Variants in ELSPBP1 observed in about 807,000 individuals in gnomAD.
ELSPBP1 encodes epididymal sperm-binding protein 1.
In ELSPBP1, 38 loss-of-function variants were observed where a neutral mutation model predicts 33.3. The ratio of observed to expected loss-of-function variants is 1.14; its 90% CI spans 0.88 to 1.50. ELSPBP1 has a LOEUF of 1.50. Among genes scored for constraint, ELSPBP1 ranks in the 40% most tolerant of loss-of-function variants. ELSPBP1 has a pLI of 0.00. For synonymous variants in ELSPBP1, 85 were observed against 94.1 expected (o/e 0.90, Z 0.56); for missense variants, 267 against 263.5 (o/e 1.01, Z -0.09).
chr19:48,011,282 AT>A lies in ELSPBP1; in HGVS notation c.70+2546del, dbSNP rs1967074957. On this transcript the variant is annotated intron_variant, in intron 2 of 6. Transcript: ENST00000339841. The surrounding 1 kb of genome is among the most constrained non-coding windows in gnomAD (Gnocchi z 4.5). ...AATGATGATGACAATGACGATGATG[AT>A]CACCATGATAATGACAATAATGAGG... is the stretch of plus-strand genomic sequence containing the variant. Among the ~76,000 whole-genome samples the A allele has an allele frequency of 6.6e-6, 1 of 151,912 alleles. No homozygotes were observed. The highest frequency in any genetic ancestry group is 1.5e-5 in the Non-Finnish European group (1 of 68,006).
intron 5 of ELSPBP1, 48 bp from the exon 6 acceptor site, chr19:48,022,122 T>C (rs11671666): frequency 0.27 from 422,710 of 1,564,696 alleles, 60,200 homozygotes; most frequent in Non-Finnish European, 0.29. Context: ...TCTACGACAG[T>C]GTGAAGCCTG....
Position 48,024,072 on chromosome 19 carries a change from C to T in ELSPBP1, c.*8-880C>T, listed in dbSNP as rs577837694. Among the ~76,000 whole-genome samples, 16 of 144,876 alleles carry T rather than the reference C, an allele frequency of 1.1e-4. No individual in the cohort carries two copies. In the South Asian group the frequency reaches 1.8e-3, roughly 16 times the overall value. ...TTTTTTTTTGTATTTTTAGTAGAGA[C>T]GGGGTTTCACCATGTTGGCCAGGCT... On this transcript the variant is annotated intron_variant, in intron 6 of 6. Transcript: ENST00000339841.
intron 1 of ELSPBP1, among the ~76,000 whole-genome samples, chr19:48,006,645 AAAG>A (rs1784446990): frequency 2.7e-5 from 4 of 148,808 alleles, no homozygotes; most frequent in Admixed American, 6.7e-5. Context: ...AAAAAAAAAA[AAAG>A]AAAAGAAAAA....
chr19:48,006,057 C>T lies in ELSPBP1; in HGVS notation c.-17-2594C>T, dbSNP rs141520997. ...TGCACTGCAGCCTCGACCTCCTGGG[C>T]TCCAGTGATCCTCCCACCTCAGCTT... On this transcript the variant is annotated intron_variant, in intron 1 of 6. Coordinates refer to ENST00000339841, the MANE Select transcript of ELSPBP1 (RefSeq NM_022142.5). 4.9e-3 allele frequency among the ~76,000 whole-genome samples: 747 copies of T among 152,160 alleles called. 7 individuals carry two copies. Among genetic ancestry groups the T allele is most frequent in the African/African-American group, 0.017 (714 of 41,526 alleles).
intron 1 of ELSPBP1, among the ~76,000 whole-genome samples, chr19:48,006,800 A>G (rs1297847979): frequency 6.6e-6 from 1 of 152,104 alleles, no homozygotes; most frequent in African/African-American, 2.4e-5. Context: ...CTTCACAAGT[A>G]GTGAATGAGA....
intron 2 of ELSPBP1, 109 bp downstream of exon 2, chr19:48,008,846 T>C: frequency 1.0e-6 from 1 of 1,000,594 alleles, no homozygotes; most frequent in East Asian, 2.6e-5. Flanking sequence ...AGCAAAAATC[T>C]CAGAAGAAGC....
chr19:48,005,751 A>T (rs968557893), intron 1 of ELSPBP1, among the ~76,000 whole-genome samples: 1 of 152,190 alleles, frequency 6.6e-6, no homozygotes, highest in African/African-American at 2.4e-5. Flanking sequence ...TAAGAGCTCA[A>T]TTACTCTGAA....
chr19:48,014,952 C>T (rs995182611), intron 3 of ELSPBP1, among the ~76,000 whole-genome samples: 5 of 152,034 alleles, frequency 3.3e-5, no homozygotes, highest in South Asian at 2.1e-4. Flanking sequence ...AAAAAGGAAA[C>T]GAAGTGTAAG....
rs762439209 is a variant in ELSPBP1, at chr19:48,008,663, C to T, written c.-5C>T. On this transcript the variant is annotated 5_prime_UTR_variant, in exon 2 of 7. Coordinates refer to ENST00000339841, the MANE Select transcript of ELSPBP1 (RefSeq NM_022142.5). Reference sequence around the variant, plus strand: ...TTCTTTTCCACAGAGAAGAGGGCAGCCAAGATGACCCGATGGTCCAGTTAC... The same window carrying T: ...TTCTTTTCCACAGAGAAGAGGGCAGTCAAGATGACCCGATGGTCCAGTTAC... The T allele has an allele frequency of 3.1e-6, 5 of 1,613,458 alleles. No individual in the cohort carries two copies. In the South Asian group the frequency reaches 5.5e-5, roughly 18 times the overall value.
intron 6 of ELSPBP1, among the ~76,000 whole-genome samples, chr19:48,023,174 G>C (rs1179290978): frequency 7.1e-6 from 1 of 140,948 alleles, no homozygotes; most frequent in South Asian, 2.3e-4. Flanking sequence ...AAGGAGGAAG[G>C]GAGGGAAGAA....
Position 47,998,581 on chromosome 19 carries a change from T to C in ELSPBP1, c.-18+3770T>C, listed in dbSNP as rs1219030749. Among the ~76,000 whole-genome samples the C allele has an allele frequency of 2.0e-5, 3 of 151,608 alleles. No homozygotes were observed. The East Asian group carries it at 5.9e-4, about 30-fold the overall frequency. ...GCGGGCGGATCACGAGGTCAGGAGATCGAGACCATCCTGGCTAACACAGTG... is the reference window on the plus strand; with the variant it reads ...GCGGGCGGATCACGAGGTCAGGAGACCGAGACCATCCTGGCTAACACAGTG... On this transcript the variant is annotated intron_variant, in intron 1 of 6. Coordinates refer to ENST00000339841, the MANE Select transcript of ELSPBP1 (RefSeq NM_022142.5).
intron 4 of ELSPBP1, among the ~76,000 whole-genome samples, chr19:48,018,482 A>G (rs1213763373): frequency 1.3e-5 from 2 of 152,242 alleles, no homozygotes; most frequent in Non-Finnish European, 2.9e-5. Flanking sequence ...TCTTGGACAC[A>G]TTAGATCATA....
chr19:48,016,284 G>A (rs1344542751), intron 4 of ELSPBP1, among the ~76,000 whole-genome samples: 1 of 152,154 alleles, frequency 6.6e-6, no homozygotes, highest in Non-Finnish European at 1.5e-5. Flanking sequence ...ATGAGCTGAA[G>A]TCCTGATATT....
chr19:47,998,786 CAAAA>C (rs34853595), intron 1 of ELSPBP1, among the ~76,000 whole-genome samples: 23,837 of 110,758 alleles, frequency 0.22, 2,126 homozygotes, highest in Non-Finnish European at 0.26. Flanking sequence ...GACTCCGTCT[CAAAA>C]AAAAAAAAAA....
chr19:48,023,436 GAGAAAGTAGGAAAGGGAGGA>G, intron 6 of ELSPBP1, among the ~76,000 whole-genome samples: 8 of 84,922 alleles, frequency 9.4e-5, no homozygotes, highest in East Asian at 5.5e-4. Flanking sequence ...AGGAGGAAGG[GAGAAAGTAGGAAAGGGAGGA>G]GGGAAGGAAT....
At chr19:48,009,211 T>C (rs1967053668) in intron 2 of ELSPBP1, among the ~76,000 whole-genome samples, 1 of 151,986 alleles carries the variant, frequency 6.6e-6, no homozygotes, top group African/African-American at 2.4e-5. Flanking sequence ...TTGGTAACTT[T>C]GGTCAAGCAA....
Position 48,020,058 on chromosome 19 carries a change from C to T in ELSPBP1, c.514+181C>T, listed in dbSNP as rs571757570. Among the ~76,000 whole-genome samples the T allele has an allele frequency of 1.8e-4, 27 of 152,250 alleles. No individual in the cohort carries two copies. The South Asian group carries it at 5.6e-3, about 32-fold the overall frequency. Reference sequence around the variant, plus strand: ...TGTCAATGATGTGATATGCCACAGGCTTTAAAATCCAAGAGAAAGGTGCCA... The same window carrying T: ...TGTCAATGATGTGATATGCCACAGGTTTTAAAATCCAAGAGAAAGGTGCCA... On this transcript the variant is annotated intron_variant, in intron 5 of 6. Coordinates refer to ENST00000339841, the MANE Select transcript of ELSPBP1 (RefSeq NM_022142.5).
At chr19:48,020,175 C>T (rs992731478) in intron 5 of ELSPBP1, among the ~76,000 whole-genome samples, 1 of 152,030 alleles carries the variant, frequency 6.6e-6, no homozygotes, top group Admixed American at 6.6e-5. Flanking sequence ...GTGTGAGCCA[C>T]GAATGGTGGC....
At chr19:48,016,500 CTT>C (rs1967139661) in intron 4 of ELSPBP1, among the ~76,000 whole-genome samples, 1 of 99,490 alleles carries the variant, frequency 1.0e-5, no homozygotes, top group South Asian at 3.7e-4. Context: ...TTCTTTCTTT[CTT>C]TCTTTCTTTC....
Sources: allele counts gnomAD v4.1 joint callset (sites outside exome capture counted in the v4.1 genomes callset), GRCh38; gene constraint gnomAD v4.1.1; non-coding constraint Gnocchi (gnomAD v3.1); transcripts MANE v1.5; gene names NCBI Gene and HGNC (gene_info 2026-07-23, HGNC 2026-07-21).